The following GALNT10 variants were observed in gnomAD, a reference collection of about 807,000 sequenced individuals.
GALNT10 encodes GalNAc transferase 10.
A neutral mutation model predicts 75.0 loss-of-function variants in GALNT10; 41 were observed. The observed-to-expected ratio is 0.55, with a 90% CI of 0.43 to 0.71. GALNT10 has a LOEUF of 0.71. Ranked by LOEUF, GALNT10 falls within the 30% of genes least tolerant of loss-of-function variation. GALNT10 has a pLI of 0.00. For synonymous variants in GALNT10, 302 were observed against 313.0 expected (o/e 0.96, Z 0.37); for missense variants, 727 against 818.5 (o/e 0.89, Z 1.36).
At chr5:154,273,272 C>G (rs1753898006) in intron 1 of GALNT10, among the ~76,000 whole-genome samples, 1 of 152,168 alleles carries the variant, frequency 6.6e-6, no homozygotes, top group Admixed American at 6.5e-5. Context: ...GCTGCTGCTC[C>G]TGGCTTGAAC....
intron 1 of GALNT10, among the ~76,000 whole-genome samples, chr5:154,236,898 A>G (rs550976094): frequency 1.3e-5 from 2 of 152,280 alleles, no homozygotes; most frequent in African/African-American, 4.8e-5. Context: ...CCACAGTTGG[A>G]AGCTATCTTT....
rs1561675920 is a variant in GALNT10, at chr5:154,376,541, C to T, written c.754+79C>T. 1 of 1,015,980 alleles carries T rather than the reference C, an allele frequency of 9.8e-7. No individual in the cohort carries two copies. The highest frequency in any genetic ancestry group is 1.4e-6 in the Non-Finnish European group (1 of 694,410). The allele number at this position is 1,015,980 out of a possible 1,614,324, so 62.9% of individuals were successfully genotyped here. ...GTGGCCCCCTCCTGCTGCAGGGAGC[C>T]ATCCATAAGCCTTCCCTTGCCTGTT... On this transcript the variant is annotated intron_variant, in intron 5 of 11. Transcript: ENST00000297107. The surrounding 1 kb of genome is among the most constrained non-coding windows in gnomAD (Gnocchi z 4.1).
chr5:154,416,840 T>A lies in GALNT10; in HGVS notation c.1680T>A (p.Ser560Arg), dbSNP rs751299218. Residue 560 changes from serine (S) to arginine (R), a missense_variant, in exon 12 of 12, where the codon AGT (serine) becomes AGA (arginine). Physicochemically the swap from Ser to Arg is moderately radical, Grantham distance 110. Coordinates refer to ENST00000297107, the MANE Select transcript of GALNT10 (RefSeq NM_198321.4). The surrounding 1 kb of genome is among the most constrained non-coding windows in gnomAD (Gnocchi z 4.5). ...ACAAGACCCTGTACCACCCTGTCAG[T>A]GGCAGCTGCATGGACTGCAGTGAAA... ...RKDKTLYHPV[S>R]GSCMDCSESD... is the part of the protein sequence containing the mutation. 3.1e-6 allele frequency: 5 copies of A among 1,613,384 alleles called. No individual in the cohort carries two copies. In the African/African-American group the frequency reaches 6.7e-5, roughly 22 times the overall value.
chr5:154,351,009 G>C (rs1755197773), intron 4 of GALNT10, among the ~76,000 whole-genome samples: 1 of 152,216 alleles, frequency 6.6e-6, no homozygotes, highest in Admixed American at 6.5e-5. Flanking sequence ...AGGAAATGCT[G>C]TGAGAACTAC....
chr5:154,200,127 G>A (rs1775003712), intron 1 of GALNT10, among the ~76,000 whole-genome samples: 1 of 152,156 alleles, frequency 6.6e-6, no homozygotes, highest in Non-Finnish European at 1.5e-5. Context: ...GGAGGCCTCA[G>A]TGGGAGGTTA....
intron 4 of GALNT10, among the ~76,000 whole-genome samples, chr5:154,344,741 C>T (rs1030769050): frequency 1.3e-5 from 2 of 152,124 alleles, no homozygotes; most frequent in African/African-American, 4.8e-5. Flanking sequence ...ATTAGAAAGC[C>T]GAGTTTTCCC....
intron 4 of GALNT10, among the ~76,000 whole-genome samples, chr5:154,334,479 G>A (rs925546266): frequency 2.6e-5 from 4 of 152,188 alleles, no homozygotes; most frequent in Non-Finnish European, 5.9e-5. Context: ...GCACTGCCTG[G>A]GTGGCATGTT....
chr5:154,304,129 T>C (rs1011646259), intron 3 of GALNT10, among the ~76,000 whole-genome samples: 1 of 152,178 alleles, frequency 6.6e-6, no homozygotes, highest in Non-Finnish European at 1.5e-5. Context: ...CAGAAAAAGA[T>C]TTTAAAAATT....
At chr5:154,337,743 C>A (rs942687067) in intron 4 of GALNT10, 44 of 1,229,042 alleles carry the variant, frequency 3.6e-5, no homozygotes, top group Admixed American at 1.0e-4. Flanking sequence ...ATGGCTGCCA[C>A]CAAAGCCACC....
chr5:154,409,931 CT>C lies in GALNT10; in HGVS notation c.1386+171del, dbSNP rs770143295. On this transcript the variant is annotated intron_variant, in intron 9 of 11. Coordinates refer to ENST00000297107, the MANE Select transcript of GALNT10 (RefSeq NM_198321.4). The surrounding 1 kb of genome is among the most constrained non-coding windows in gnomAD (Gnocchi z 4.5). ...CTAGCCTTGTCATGGTGTATTTTTA[CT>C]TGTTAGTTAGTGTTCTCAGTGTAGA... 6.6e-6 allele frequency among the ~76,000 whole-genome samples: 1 copy of C among 152,158 alleles called. No homozygotes were observed. The highest frequency in any genetic ancestry group is 1.5e-5 in the Non-Finnish European group (1 of 68,030).
intron 7 of GALNT10, among the ~76,000 whole-genome samples, chr5:154,394,278 A>G (rs1755968979): frequency 6.7e-6 from 1 of 149,070 alleles, no homozygotes; most frequent in Non-Finnish European, 1.5e-5. Context: ...TGATATGGTT[A>G]CTGAAAGGCT....
rs960216047 is a variant in GALNT10 at position 154,418,174 on chromosome 5, G to A, written c.*1202G>A. 3 of 152,374 alleles carry A rather than the reference G, an allele frequency of 2.0e-5. No individual in the cohort carries two copies. Among genetic ancestry groups the A allele is most frequent in the African/African-American group, 7.2e-5 (3 of 41,588 alleles). 9.4% of individuals were successfully genotyped at this position (152,374 alleles called of 1,614,324 possible). ...AGACAATCTGTGAAATCCAAAGTTG[G>A]TGGTGTTGGGAAAGCAGGGGGACAT... On this transcript the variant is annotated 3_prime_UTR_variant, in exon 12 of 12. Transcript: ENST00000297107.
At chr5:154,371,730 T>G (rs1278007303) in intron 4 of GALNT10, among the ~76,000 whole-genome samples, 1 of 152,060 alleles carries the variant, frequency 6.6e-6, no homozygotes, top group Non-Finnish European at 1.5e-5. Context: ...ATATCAGAAG[T>G]GATGTTACCT....
intron 4 of GALNT10, among the ~76,000 whole-genome samples, chr5:154,366,864 A>C (rs1285379355): frequency 4.6e-5 from 7 of 152,200 alleles, no homozygotes; most frequent in Admixed American, 4.6e-4. Flanking sequence ...GCTAGTAACA[A>C]TAGCAATAGT....
In GALNT10 at chr5:154,294,650, C is replaced by T. The variant is rs116245159; in HGVS notation, c.160-166C>T. On this transcript the variant is annotated intron_variant, in intron 1 of 11. Transcript: ENST00000297107. ...ATCTTGCTGACCTTTGCAAACCTAG[C>T]TGGCACATGGCAAGGCACCAACAAA... 3.9e-3 allele frequency among the ~76,000 whole-genome samples: 593 copies of T among 152,278 alleles called. 2 individuals carry two copies. Among genetic ancestry groups the T allele is most frequent in the African/African-American group, 0.014 (575 of 41,542 alleles).
chr5:154,354,017 G>A (rs192945435), intron 4 of GALNT10, among the ~76,000 whole-genome samples: 1 of 152,270 alleles, frequency 6.6e-6, no homozygotes, highest in East Asian at 1.9e-4. Flanking sequence ...AGGTATGAGA[G>A]CACCTTTGAG....
intron 1 of GALNT10, among the ~76,000 whole-genome samples, chr5:154,241,907 G>A (rs753370906): frequency 1.3e-5 from 2 of 152,006 alleles, no homozygotes; most frequent in Admixed American, 6.6e-5. Flanking sequence ...TTTCCCCTTC[G>A]CCACTACAAG....
Position 154,417,047 on chromosome 5 carries a change from C to A in GALNT10, c.*75C>A. On this transcript the variant is annotated 3_prime_UTR_variant, in exon 12 of 12. Transcript: ENST00000297107. ...ACTTCCTCTTTCAAGGGAGGCAGGG[C>A]CCCTGTGGGCACTAGGTGTAAAAGG... The A allele has an allele frequency of 7.4e-7, 1 of 1,354,960 alleles. No individual in the cohort carries two copies. Among genetic ancestry groups the A allele is most frequent in the South Asian group, 1.2e-5 (1 of 82,224 alleles). 83.9% of individuals were successfully genotyped at this position (1,354,960 alleles called of 1,614,324 possible). A position where few individuals can be genotyped will look rare whatever the true frequency, so the allele number is the denominator to read the frequency against.
chr5:154,400,578 A>G (rs901870313), intron 7 of GALNT10, among the ~76,000 whole-genome samples: 1 of 152,226 alleles, frequency 6.6e-6, no homozygotes, highest in Non-Finnish European at 1.5e-5. Context: ...GGTGCACTGG[A>G]CAGGCAAAAA....
Sources: allele counts gnomAD v4.1 joint callset (sites outside exome capture counted in the v4.1 genomes callset), GRCh38; gene constraint gnomAD v4.1.1; non-coding constraint Gnocchi (gnomAD v3.1); transcripts MANE v1.5; gene names NCBI Gene and HGNC (gene_info 2026-07-23, HGNC 2026-07-21).